The following NEURL1 variants were observed in gnomAD, a reference collection of about 807,000 sequenced individuals.
NEURL1 encodes the protein neuralized E3 ubiquitin protein ligase 1.
Under a neutral mutation model 41.2 loss-of-function variants are expected in NEURL1, and 26 were observed. The ratio of observed to expected loss-of-function variants is 0.63; its 90% CI spans 0.46 to 0.87. The LOEUF is 0.87. Among genes scored for constraint, NEURL1 ranks in the 40% least tolerant of loss-of-function variants. The probability of loss-of-function intolerance (pLI) is 0.00; values close to 1 mark genes in which losing one functional copy is unlikely to be tolerated. For synonymous variants in NEURL1, 400 were observed against 402.3 expected, an observed-to-expected ratio of 0.99 and a Z score of 0.07; for missense variants, 761 against 871.1, an observed-to-expected ratio of 0.87 and a Z score of 1.59.
intron 3 of NEURL1, among the ~76,000 whole-genome samples, chr10:103,579,856 C>T (rs1040469216): frequency 2.0e-5 from 3 of 152,242 alleles, no homozygotes; most frequent in Non-Finnish European, 4.4e-5. Flanking sequence ...GCACAAGAAT[C>T]GCTTGAACCT....
At chr10:103,511,003 G>T (rs1036553610) in intron 1 of NEURL1, among the ~76,000 whole-genome samples, 1 of 152,170 alleles carries the variant, frequency 6.6e-6, no homozygotes, top group African/African-American at 2.4e-5. Flanking sequence ...GCCTTGAATG[G>T]GGGGGCTCCT....
In NEURL1 at chr10:103,568,085, C is replaced by T. The variant is rs113314382; in HGVS notation, c.86-2787C>T. 1.9e-3 allele frequency among the ~76,000 whole-genome samples: 289 copies of T among 152,296 alleles called. 1 individual carries two copies. Among genetic ancestry groups the T allele is most frequent in the African/African-American group, 6.7e-3 (279 of 41,562 alleles). ...GGTTGGGATTACTTTCGCATGCTCA[C>T]AGGTGTACGTGTATGCCCGTGAGTG... On this transcript the variant is annotated intron_variant, in intron 1 of 5. Coordinates refer to ENST00000369780, the MANE Select transcript of NEURL1 (RefSeq NM_004210.5).
chr10:103,518,610 T>C (rs557079816), intron 1 of NEURL1, among the ~76,000 whole-genome samples: 1 of 152,316 alleles, frequency 6.6e-6, no homozygotes, highest in South Asian at 2.1e-4. Flanking sequence ...TTGGGGGGTC[T>C]GGGGAACAGC....
chr10:103,501,918 G>A (rs1278762814), intron 1 of NEURL1, among the ~76,000 whole-genome samples: 2 of 151,998 alleles, frequency 1.3e-5, no homozygotes, highest in Non-Finnish European at 2.9e-5. Context: ...ATAGGCGTGA[G>A]CCACCACACC....
intron 1 of NEURL1, among the ~76,000 whole-genome samples, chr10:103,506,784 T>C (rs564156342): frequency 2.0e-5 from 3 of 152,344 alleles, no homozygotes; most frequent in Admixed American, 6.5e-5. Context: ...GGTCTTGAAC[T>C]CCTGACCTCA....
At chr10:103,516,221 C>G (rs2034201927) in intron 1 of NEURL1, among the ~76,000 whole-genome samples, 1 of 119,470 alleles carries the variant, frequency 8.4e-6, no homozygotes. Context: ...GAGTGAGACC[C>G]CATCTCAAAA....
At chr10:103,583,971 C>T (rs191462608) in intron 3 of NEURL1, among the ~76,000 whole-genome samples, 2 of 152,148 alleles carry the variant, frequency 1.3e-5, no homozygotes, top group East Asian at 1.9e-4. Context: ...TTGGATAGAT[C>T]TACTTCTCAG....
At chr10:103,529,880 G>A (rs992628120) in intron 1 of NEURL1, among the ~76,000 whole-genome samples, 14 of 152,090 alleles carry the variant, frequency 9.2e-5, no homozygotes, top group African/African-American at 2.4e-4. Context: ...ACTGGAAAGC[G>A]GTCACAATTC....
At chr10:103,500,403 C>A (rs1370276320) in intron 1 of NEURL1, among the ~76,000 whole-genome samples, 1 of 152,206 alleles carries the variant, frequency 6.6e-6, no homozygotes, top group African/African-American at 2.4e-5. Flanking sequence ...CAGTTAGAAA[C>A]TGATGGGGCT....
At chr10:103,511,873 G>C (rs767113) in intron 1 of NEURL1, 2 of 152,354 alleles carry the variant, frequency 1.3e-5, no homozygotes, top group South Asian at 2.1e-4. Context: ...ACTATGTTTT[G>C]AAATTAATGC....
intron 1 of NEURL1, among the ~76,000 whole-genome samples, chr10:103,526,223 T>C (rs1276021371): frequency 6.6e-6 from 1 of 152,006 alleles, no homozygotes; most frequent in Admixed American, 6.6e-5. Flanking sequence ...ACTTGTTTGG[T>C]TTTGGTATAG....
At chr10:103,565,989 A>G (rs187189472) in intron 1 of NEURL1, among the ~76,000 whole-genome samples, 2 of 152,338 alleles carry the variant, frequency 1.3e-5, no homozygotes, top group African/African-American at 2.4e-5. Context: ...ATATGTATAT[A>G]GTAAAACTCG....
chr10:103,501,611 C>A (rs1176825235), intron 1 of NEURL1, among the ~76,000 whole-genome samples: 1 of 70,486 alleles, frequency 1.4e-5, no homozygotes, highest in Non-Finnish European at 2.9e-5. Context: ...GTATTATTCC[C>A]ACTTTATTTA....
chr10:103,588,918 C>T, intron 4 of NEURL1: 1 of 421,384 alleles, frequency 2.4e-6, no homozygotes. Context: ...TGCACTCCAG[C>T]CTGGCGACAG....
At chr10:103,525,379 A>T (rs1592196088) in intron 1 of NEURL1, among the ~76,000 whole-genome samples, 4 of 132,926 alleles carry the variant, frequency 3.0e-5, no homozygotes, top group African/African-American at 2.8e-5. Context: ...TTTGAGACAG[A>T]CTTTCACTCT....
chr10:103,587,224 C>A (rs894931406), intron 4 of NEURL1, among the ~76,000 whole-genome samples: 2 of 152,134 alleles, frequency 1.3e-5, no homozygotes, highest in East Asian at 3.8e-4. Flanking sequence ...ATATACTACT[C>A]CTCAGGGCAA....
chr10:103,553,366 G>A (rs745343791), intron 1 of NEURL1, among the ~76,000 whole-genome samples: 8 of 152,082 alleles, frequency 5.3e-5, no homozygotes, highest in Non-Finnish European at 1.0e-4. Flanking sequence ...TTAGCTTCCC[G>A]CCCCCATGGG....
At position 103,530,768 on chromosome 10, in the gene NEURL1, C is replaced by T. The variant is rs576546038; in HGVS notation, c.85+36296C>T. Reference sequence around the variant, plus strand: ...GTTGGCCAGGCTGGTCTGTAACTCCCGACCTCAGGTGATCCACCTGCCTCA... The same window carrying T: ...GTTGGCCAGGCTGGTCTGTAACTCCTGACCTCAGGTGATCCACCTGCCTCA... On this transcript the variant is annotated intron_variant, in intron 1 of 5. Transcript: ENST00000369780. Among the ~76,000 whole-genome samples the T allele has an allele frequency of 5.3e-5, 8 of 151,538 alleles. No individual in the cohort carries two copies. In the East Asian group the frequency reaches 1.2e-3, roughly 22 times the overall value.
rs866183359 is a variant in NEURL1 at position 103,558,562 on chromosome 10, G to C, written c.86-12310G>C. 7.3e-5 allele frequency among the ~76,000 whole-genome samples: 11 copies of C among 151,676 alleles called. No homozygotes were observed. The highest frequency in any genetic ancestry group is 2.1e-4 in the South Asian group (1 of 4,804). On this transcript the variant is annotated intron_variant, in intron 1 of 5. Transcript: ENST00000369780. The surrounding 1 kb of genome is among the most constrained non-coding windows in gnomAD (Gnocchi z 4.2). The stretch of plus-strand genomic sequence containing the variant: ...GTGTGTGTGTGTAGTGGGGCTGGTG[G>C]TGAGGAGTCGGGCTCCTCTGGGACC...
Sources: gnomAD v4.1 joint callset for allele counts (sites outside exome capture counted in the v4.1 genomes callset) on GRCh38, gnomAD v4.1.1 for gene constraint, Gnocchi (gnomAD v3.1) non-coding constraint, MANE v1.5 for transcripts, NCBI Gene and HGNC (gene_info 2026-07-23, HGNC 2026-07-21) for gene names.